CLEC16A: variants seen among roughly 807,000 people sequenced by gnomAD.
The protein encoded by CLEC16A is protein CLEC16A.
Under a neutral mutation model 109.5 loss-of-function variants are expected in CLEC16A, and 51 were observed. The observed-to-expected ratio is 0.47, with a 90% confidence interval of 0.37 to 0.59. The LOEUF (loss-of-function observed/expected upper bound fraction) is 0.59. Among genes scored for constraint, CLEC16A ranks in the 20% least tolerant of loss-of-function variants. The pLI, the probability that CLEC16A is intolerant of heterozygous loss-of-function variation, is 0.00. For synonymous variants in CLEC16A, 673 were observed against 564.2 expected (o/e 1.19, Z -2.73); for missense variants, 1,339 against 1,394.0 (o/e 0.96, Z 0.63).
At chr16:11,034,676 C>A (rs1272962457) in intron 13 of CLEC16A, among the ~76,000 whole-genome samples, 1 of 152,194 alleles carries the variant, frequency 6.6e-6, no homozygotes, top group Non-Finnish European at 1.5e-5. Context: ...GGGCAGGGAA[C>A]ATGTGGTCTG....
intron 22 of CLEC16A, among the ~76,000 whole-genome samples, chr16:11,158,228 T>G (rs2054602864): frequency 6.6e-6 from 1 of 151,986 alleles, no homozygotes; most frequent in African/African-American, 2.4e-5. Context: ...GGTGAGAAAA[T>G]ATGAACACTG....
chr16:11,123,463 G>A (rs2052576848), intron 20 of CLEC16A, among the ~76,000 whole-genome samples: 1 of 152,120 alleles, frequency 6.6e-6, no homozygotes, highest in South Asian at 2.1e-4. Context: ...TTATTCATGA[G>A]CTGACCCCAG....
At chr16:11,051,162 C>T (rs2047919155) in intron 17 of CLEC16A, among the ~76,000 whole-genome samples, 1 of 152,208 alleles carries the variant, frequency 6.6e-6, no homozygotes, top group Non-Finnish European at 1.5e-5. Context: ...GACGGGCTTG[C>T]ACCCACAGGG....
chr16:11,041,359 C>G (rs942471830), intron 14 of CLEC16A: 2 of 152,242 alleles, frequency 1.3e-5, no homozygotes, highest in Non-Finnish European at 2.9e-5. Context: ...CCGACTCACT[C>G]TGGCTTAAAC....
intron 20 of CLEC16A, among the ~76,000 whole-genome samples, chr16:11,122,892 C>CT (rs1460227182): frequency 1.6e-4 from 19 of 117,088 alleles, no homozygotes; most frequent in Non-Finnish European, 2.8e-4. Flanking sequence ...TTCCCTATCC[C>CT]TTTCTTTTTT....
In CLEC16A at chr16:11,063,219, G is replaced by T. The variant is rs555148524; in HGVS notation, c.2116+2197G>T. Among the ~76,000 whole-genome samples, 25 of 151,424 alleles carry T rather than the reference G, an allele frequency of 1.7e-4. 3 individuals are homozygous for T. The highest frequency in any genetic ancestry group is 1.6e-3 in the Admixed American group (24 of 15,232). Reference sequence around the variant, plus strand: ...AAAATAGTAGGGATTATGGAAGCACGTGGTACTAGGATAAGATATGCCTGT... The same window carrying T: ...AAAATAGTAGGGATTATGGAAGCACTTGGTACTAGGATAAGATATGCCTGT... On this transcript the variant is annotated intron_variant, in intron 19 of 23. Coordinates refer to ENST00000409790, the MANE Select transcript of CLEC16A (RefSeq NM_015226.3).
intron 19 of CLEC16A, among the ~76,000 whole-genome samples, chr16:11,081,173 C>G (rs1158736598): frequency 1.3e-5 from 2 of 152,228 alleles, no homozygotes; most frequent in Non-Finnish European, 2.9e-5. Flanking sequence ...TTGGCAGATC[C>G]CTCTGACCTT....
At chr16:11,169,073 G>A (rs1178830096) in intron 23 of CLEC16A, among the ~76,000 whole-genome samples, 1 of 152,186 alleles carries the variant, frequency 6.6e-6, no homozygotes, top group East Asian at 1.9e-4. Flanking sequence ...CCTTCAGCCT[G>A]GACAGCAGAA....
chr16:11,107,426 A>G (rs575004066), intron 19 of CLEC16A, among the ~76,000 whole-genome samples: 1 of 152,334 alleles, frequency 6.6e-6, no homozygotes, highest in African/African-American at 2.4e-5. Context: ...ACTTGCAGCA[A>G]ATAACCCATA....
chr16:10,970,829 C>G (rs1458924781), intron 4 of CLEC16A, among the ~76,000 whole-genome samples: 2 of 152,240 alleles, frequency 1.3e-5, no homozygotes, highest in Admixed American at 6.5e-5. Flanking sequence ...TCACTGCAGC[C>G]TCCAACTCCT....
intron 19 of CLEC16A, among the ~76,000 whole-genome samples, chr16:11,087,383 C>T (rs1015721193): frequency 2.6e-5 from 4 of 152,234 alleles, no homozygotes; most frequent in African/African-American, 7.2e-5. Flanking sequence ...CTGGACTTTT[C>T]GTCCTACAGC....
intron 19 of CLEC16A, among the ~76,000 whole-genome samples, chr16:11,084,102 C>G (rs752750748): frequency 2.0e-5 from 3 of 152,046 alleles, no homozygotes; most frequent in Non-Finnish European, 4.4e-5. Flanking sequence ...CCATACCACC[C>G]CTTTTAGTCC....
chr16:10,950,602 C>G (rs1672135779), intron 1 of CLEC16A, among the ~76,000 whole-genome samples: 1 of 152,250 alleles, frequency 6.6e-6, no homozygotes, highest in Non-Finnish European at 1.5e-5. Flanking sequence ...CTCTAATCCT[C>G]TAGCCTGATT....
At chr16:11,059,067 G>A (rs2048352121) in intron 18 of CLEC16A, among the ~76,000 whole-genome samples, 2 of 152,144 alleles carry the variant, frequency 1.3e-5, no homozygotes, top group African/African-American at 4.8e-5. Context: ...ACATTCCTGA[G>A]TTCACACCCA....
chr16:11,089,822 C>G (rs2050205508), intron 19 of CLEC16A, among the ~76,000 whole-genome samples: 1 of 152,234 alleles, frequency 6.6e-6, no homozygotes, highest in South Asian at 2.1e-4. Context: ...GGCTGGCCCA[C>G]CCAGCCACCG....
intron 10 of CLEC16A, among the ~76,000 whole-genome samples, chr16:10,998,610 G>A (rs551276203): frequency 4.1e-4 from 63 of 152,236 alleles, no homozygotes; most frequent in African/African-American, 1.7e-4. Flanking sequence ...ATTCTGCTAC[G>A]TTTAGCTCCT....
intron 19 of CLEC16A, among the ~76,000 whole-genome samples, chr16:11,086,214 G>A (rs892767415): frequency 1.3e-5 from 2 of 152,154 alleles, no homozygotes; most frequent in East Asian, 1.9e-4. Flanking sequence ...AGGGCCCTGG[G>A]CTCATGCCCT....
intron 19 of CLEC16A, among the ~76,000 whole-genome samples, chr16:11,063,511 A>T (rs1429382920): frequency 6.6e-6 from 1 of 151,968 alleles, no homozygotes; most frequent in Non-Finnish European, 1.5e-5. Context: ...AATGTTAGGG[A>T]CTGCTCACCA....
At chr16:11,055,499 A>AGCTACAG (rs991747517) in intron 18 of CLEC16A, among the ~76,000 whole-genome samples, 74 of 149,216 alleles carry the variant, frequency 5.0e-4, no homozygotes, top group African/African-American at 1.8e-3. Context: ...GCAGGAGCGC[A>AGCTACAG]GCTACAGGAG....
Sources: gnomAD v4.1 joint callset for allele counts (sites outside exome capture counted in the v4.1 genomes callset) on GRCh38, gnomAD v4.1.1 for gene constraint, MANE v1.5 for transcripts, NCBI Gene and HGNC (gene_info 2026-07-23, HGNC 2026-07-21) for gene names.